Variants in ETFBKMT observed in about 807,000 individuals in gnomAD.
The protein encoded by ETFBKMT is electron transfer flavoprotein beta subunit lysine methyltransferase.
ETFBKMT carries 13 observed loss-of-function variants against 18.3 expected under a neutral mutation model. That is an observed-to-expected ratio of 0.71 (90% CI 0.46 to 1.13). The LOEUF (loss-of-function observed/expected upper bound fraction) is 1.13. Among genes scored for constraint, ETFBKMT ranks in the 50% most tolerant of loss-of-function variants. The pLI is 0.00. For synonymous variants in ETFBKMT, 84 were observed against 107.9 expected (o/e 0.78, Z 1.37); for missense variants, 293 against 306.2 (o/e 0.96, Z 0.32).
At chr12:31,655,976 T>C (rs139452004), upstream of ETFBKMT, among the ~76,000 whole-genome samples, 28 of 152,322 alleles carry the variant, frequency 1.8e-4, no homozygotes, top group African/African-American at 6.0e-4. Flanking sequence ...CAAATATACC[T>C]CAATAAAGCT....
chr12:31,648,856 CA>C (rs1278612504), intron 1 of ETFBKMT, among the ~76,000 whole-genome samples: 2 of 152,082 alleles, frequency 1.3e-5, no homozygotes, highest in Non-Finnish European at 2.9e-5. Flanking sequence ...CCACCGCGCC[CA>C]GCCCTGTGAC....
At chr12:31,651,034 C>T (rs1368511958) in intron 1 of ETFBKMT, among the ~76,000 whole-genome samples, 1 of 152,080 alleles carries the variant, frequency 6.6e-6, no homozygotes, top group Non-Finnish European at 1.5e-5. Flanking sequence ...TTATATACCC[C>T]AGGAGAGGAG....
upstream of ETFBKMT, among the ~76,000 whole-genome samples, chr12:31,656,561 C>A (rs1951063803): frequency 6.6e-6 from 1 of 152,164 alleles, no homozygotes; most frequent in Non-Finnish European, 1.5e-5. Context: ...CAGCACAGGC[C>A]AATCGAGTGG....
rs1951246676 is a variant in ETFBKMT, at chr12:31,669,968, C to G, written c.*1978C>G. 6.6e-6 allele frequency: 1 copy of G among 152,224 alleles called. No individual in the cohort carries two copies. The highest frequency in any genetic ancestry group is 1.5e-5 in the Non-Finnish European group (1 of 68,164). 9.4% of individuals were successfully genotyped at this position (152,224 alleles called of 1,614,324 possible). On this transcript the variant is annotated 3_prime_UTR_variant, in exon 4 of 4. Transcript: ENST00000357721. ...CTGAGTAGCTGGGATTACAGGTATA[C>G]ACCACCAAACCCAGCTGGGATTACA... is the stretch of plus-strand genomic sequence containing the variant.
At chr12:31,660,619 C>T (rs2139618935) in intron 1 of ETFBKMT, among the ~76,000 whole-genome samples, 1 of 152,172 alleles carries the variant, frequency 6.6e-6, no homozygotes, top group East Asian at 1.9e-4. Flanking sequence ...AAAATCGAAC[C>T]ATCAGATACT....
intron 1 of ETFBKMT, among the ~76,000 whole-genome samples, chr12:31,647,449 G>A (rs1950978068): frequency 6.6e-6 from 1 of 152,138 alleles, no homozygotes; most frequent in East Asian, 1.9e-4. Context: ...TGAGCCCTCA[G>A]GCAAGTTACT....
At chr12:31,663,427 T>C (rs1274418369) in intron 2 of ETFBKMT, among the ~76,000 whole-genome samples, 1 of 152,050 alleles carries the variant, frequency 6.6e-6, no homozygotes, top group Non-Finnish European at 1.5e-5. Context: ...GGTTTCACCA[T>C]GTTGACCAGG....
chr12:31,656,439 T>C, upstream of ETFBKMT, among the ~76,000 whole-genome samples: 1 of 152,128 alleles, frequency 6.6e-6, no homozygotes, highest in East Asian at 1.9e-4. Context: ...AAGTCGGGAC[T>C]GATCAGCATG....
At position 31,670,988 on chromosome 12, in the gene ETFBKMT, G is replaced by A. The variant is rs2139636462; in HGVS notation, c.*2998G>A. 6.6e-6 allele frequency: 1 copy of A among 152,238 alleles called. No homozygotes were observed. The highest frequency in any genetic ancestry group is 2.1e-4 in the South Asian group (1 of 4,818). The allele number at this position is 152,238 out of a possible 1,614,324, so 9.4% of individuals were successfully genotyped here. On this transcript the variant is annotated 3_prime_UTR_variant, in exon 4 of 4. Coordinates refer to ENST00000357721, the MANE Select transcript of ETFBKMT (RefSeq NM_001135863.2). ...ATGGGGTACAGATATTTTAAACAGAGTGGTGAGAAATAGTTAATACAGCTA... is the reference window on the plus strand; with the variant it reads ...ATGGGGTACAGATATTTTAAACAGAATGGTGAGAAATAGTTAATACAGCTA...
rs988149122 is a variant in ETFBKMT, at chr12:31,671,368, C to T, written c.*3378C>T. On this transcript the variant is annotated 3_prime_UTR_variant, in exon 4 of 4. Transcript: ENST00000357721. ...TACAAGAAAGTTAGCATACTTACCC[C>T]GTTTTTCACTACATCAGAGGCAAAA... 3 of 152,076 alleles carry T rather than the reference C, an allele frequency of 2.0e-5. No individual in the cohort carries two copies. The highest frequency in any genetic ancestry group is 2.4e-5 in the African/African-American group (1 of 41,400). 9.4% of individuals were successfully genotyped at this position (152,076 alleles called of 1,614,324 possible).
In ETFBKMT at chr12:31,661,917, AG is replaced by A; in HGVS notation, c.-36del. 1 of 1,592,772 alleles carries A rather than the reference AG, an allele frequency of 6.3e-7. No individual in the cohort carries two copies. The stretch of plus-strand genomic sequence containing the variant: ...TCCTTGAGAAGCAGCTATTATCAAC[AG>A]AACATTGACAGAACCTGTGTTTGGG... On this transcript the variant is annotated 5_prime_UTR_variant, in exon 2 of 4. Coordinates refer to ENST00000357721, the MANE Select transcript of ETFBKMT (RefSeq NM_001135863.2).
upstream of ETFBKMT, among the ~76,000 whole-genome samples, chr12:31,654,569 G>A (rs1951044358): frequency 6.6e-6 from 1 of 152,124 alleles, no homozygotes; most frequent in Non-Finnish European, 1.5e-5. Context: ...TTATCTATAT[G>A]TACAATGAAA....
rs886857397 is a variant in ETFBKMT, at chr12:31,671,083, G to A, written c.*3093G>A. 8.5e-5 allele frequency: 13 copies of A among 152,190 alleles called. No homozygotes were observed. Among genetic ancestry groups the A allele is most frequent in the African/African-American group, 3.1e-4 (13 of 41,450 alleles). 9.4% of individuals were successfully genotyped at this position (152,190 alleles called of 1,614,324 possible). On this transcript the variant is annotated 3_prime_UTR_variant, in exon 4 of 4. Transcript: ENST00000357721. The stretch of plus-strand genomic sequence containing the variant: ...AAGATAAATCCTTCATAGACCCAAA[G>A]AAGCTCACAATTTAGATGTCGAAAC...
upstream of ETFBKMT, among the ~76,000 whole-genome samples, chr12:31,658,040 C>T (rs913478118): frequency 6.6e-6 from 1 of 152,140 alleles, no homozygotes; most frequent in African/African-American, 2.4e-5. Flanking sequence ...GACTACCAAG[C>T]TTTTTTCCAG....
chr12:31,661,829 T>G lies in ETFBKMT; in HGVS notation c.-113-12T>G, dbSNP rs1951128069. 1.2e-6 allele frequency: 1 copy of G among 828,494 alleles called. No homozygotes were observed. 51.3% of individuals were successfully genotyped at this position (828,494 alleles called of 1,614,324 possible). On this transcript the variant is annotated splice_polypyrimidine_tract_variant and intron_variant, in intron 1 of 3. Coordinates refer to ENST00000357721, the MANE Select transcript of ETFBKMT (RefSeq NM_001135863.2). ...TCAGAATTCTCAGTATTACTTTTCT[T>G]TTTTTTTTCAGAGTCAGAGGTTCCG...
Position 31,664,053 on chromosome 12 carries a change from A to C in ETFBKMT, c.314+1786A>C, listed in dbSNP as rs952941845. 6.0e-5 allele frequency among the ~76,000 whole-genome samples: 9 copies of C among 150,690 alleles called. No homozygotes were observed. The Admixed American group carries it at 6.0e-4, about 10-fold the overall frequency. ...ATATGTCCTGTTTCTGCTATCTTGT[A>C]TGCTTTGCTTTTGGTATTGCTTCAG... On this transcript the variant is annotated intron_variant, in intron 2 of 3. Coordinates refer to ENST00000357721, the MANE Select transcript of ETFBKMT (RefSeq NM_001135863.2).
chr12:31,650,626 C>CTTTTTTTTTTTTTTTTTTTT lies in ETFBKMT; in HGVS notation c.-114+3371_-114+3372insTTTTTTTTTTTTTTTTTTTT, dbSNP rs543201341. 7.8e-5 allele frequency among the ~76,000 whole-genome samples: 11 copies of CTTTTTTTTTTTTTTTTTTTT among 140,640 alleles called. 1 individual carries two copies. Among genetic ancestry groups the CTTTTTTTTTTTTTTTTTTTT allele is most frequent in the Admixed American group, 5.2e-4 (7 of 13,472 alleles). 92.3% of individuals were successfully genotyped at this position (140,640 alleles called of 152,430 possible). A position where few individuals can be genotyped will look rare whatever the true frequency, so the allele number is the denominator to read the frequency against. On this transcript the variant is annotated intron_variant, in intron 1 of 3. Coordinates refer to the ETFBKMT transcript ENST00000412352. ...TGAGTGGAAGATTGAAATGACCTGA[C>CTTTTTTTTTTTTTTTTTTTT]CTTTTTTTTTTTTTTTAAAGAATCA...
intron 3 of ETFBKMT, 148 bp downstream of exon 3, chr12:31,666,365 A>T (rs370520716): frequency 1.2e-5 from 10 of 860,384 alleles, no homozygotes; most frequent in East Asian, 1.1e-4. Context: ...CATTATCTGT[A>T]GGAATCCCCT....
chr12:31,667,813 G>T lies in ETFBKMT; in HGVS notation c.612G>T (p.Lys204Asn). The change falls in exon 4 of 4, where the codon AAG (lysine) becomes AAT (asparagine). Residue 204 changes from lysine to asparagine, a missense_variant. Transcript: ENST00000357721. ...CAGATAGTCTTCATCAGTGGCTGAA[G>T]AAGTGCTTCTGGACCTATAGAACTC... The part of the protein sequence containing the change: ...DLADSLHQWL[K>N]KCFWTYRTRV... 6 of 1,614,204 alleles carry T rather than the reference G, an allele frequency of 3.7e-6. No individual in the cohort carries two copies. Among genetic ancestry groups the T allele is most frequent in the Non-Finnish European group, 3.4e-6 (4 of 1,180,040 alleles).
Sources: gnomAD v4.1 joint callset for allele counts (sites outside exome capture counted in the v4.1 genomes callset) on GRCh38, gnomAD v4.1.1 for gene constraint, MANE v1.5 for transcripts, NCBI Gene and HGNC (gene_info 2026-07-23, HGNC 2026-07-21) for gene names.